POLH: variants seen among roughly 807,000 people sequenced by gnomAD.
The protein encoded by POLH is DNA polymerase eta transcript.
Under a neutral mutation model 73.6 loss-of-function variants are expected in POLH, and 53 were observed. That is an observed-to-expected ratio of 0.72 (90% CI 0.58 to 0.91). POLH has a LOEUF of 0.91. Ranked by LOEUF, POLH falls within the 40% of genes least tolerant of loss-of-function variation. POLH has a pLI of 0.00. For synonymous variants in POLH, 292 were observed against 308.5 expected (o/e 0.95, Z 0.56); for missense variants, 768 against 865.4 (o/e 0.89, Z 1.41).
chr6:43,576,218 T>C lies in POLH; in HGVS notation c.-227T>C, dbSNP rs1315103610. 1 of 203,188 alleles carries C rather than the reference T, an allele frequency of 4.9e-6. No homozygotes were observed. Among genetic ancestry groups the C allele is most frequent in the Non-Finnish European group, 9.8e-6 (1 of 101,966 alleles). The allele number at this position is 203,188 out of a possible 1,614,324, so 12.6% of individuals were successfully genotyped here. ...GGCTGCATTGCTGGGCGCGCCGCTC[T>C]CGTCTGATCCCTGCTGGGGACGGTT... On this transcript the variant is annotated 5_prime_UTR_variant, in exon 1 of 11. Transcript: ENST00000372236.
chr6:43,603,001 T>C, intron 6 of POLH, among the ~76,000 whole-genome samples: 1 of 145,988 alleles, frequency 6.8e-6, no homozygotes, highest in African/African-American at 2.6e-5. Flanking sequence ...ATTCCTTTTT[T>C]TTTTTTTTTT....
chr6:43,580,895 A>C (rs1764055177), intron 1 of POLH, among the ~76,000 whole-genome samples: 1 of 135,732 alleles, frequency 7.4e-6, no homozygotes. Flanking sequence ...CGGAGGGCTG[A>C]CCCCCCCACC....
chr6:43,613,911 C>G lies in POLH; in HGVS notation c.1496C>G (p.Ser499Ter), dbSNP rs1192496877. The change falls in exon 11 of 11, where the codon TCA (serine) becomes TGA (stop). Residue 499 changes from serine (S) to a stop codon, truncating the protein, a stop_gained. Transcript: ENST00000372236. LOFTEE classifies it high-confidence loss of function. ...ERQKVKEASL[S>*]SLTAPTQAPM... Reference sequence around the variant, plus strand: ...CAGAAAGTTAAAGAAGCTTCGCTTTCATCTCTTACTGCTCCCACTCAGGCT... The same window carrying G: ...CAGAAAGTTAAAGAAGCTTCGCTTTGATCTCTTACTGCTCCCACTCAGGCT... 1 of 1,613,866 alleles carries G rather than the reference C, an allele frequency of 6.2e-7. No individual in the cohort carries two copies. The highest frequency in any genetic ancestry group is 2.2e-5 in the East Asian group (1 of 44,894).
intron 10 of POLH, among the ~76,000 whole-genome samples, chr6:43,611,610 TGAGA>T (rs1050839361): frequency 1.1e-4 from 16 of 152,274 alleles, no homozygotes; most frequent in Admixed American, 3.3e-4. Context: ...AATATAATTA[TGAGA>T]GAGAGGTAAG....
At chr6:43,606,788 C>G (rs1176162893) in intron 9 of POLH, among the ~76,000 whole-genome samples, 1 of 152,102 alleles carries the variant, frequency 6.6e-6, no homozygotes, top group African/African-American at 2.4e-5. Flanking sequence ...ACAAAATTCA[C>G]CCATTTAAAA....
chr6:43,610,319 C>A (rs1453436699), intron 9 of POLH, among the ~76,000 whole-genome samples: 1 of 152,096 alleles, frequency 6.6e-6, no homozygotes, highest in African/African-American at 2.4e-5. Context: ...CCTGTCTCAG[C>A]CTCCCAAGGT....
chr6:43,619,877 C>CT lies in POLH; in HGVS notation c.*5323dup, dbSNP rs1768598617. ...AGCCTGAGTGGTAGGGAAGCTATCA[C>CT]TTTAATACTCTAGAGGCAGAATGCC... On this transcript the variant is annotated 3_prime_UTR_variant, in exon 11 of 11. Transcript: ENST00000372236. 6.6e-6 allele frequency among the ~76,000 whole-genome samples: 1 copy of CT among 152,204 alleles called. No individual in the cohort carries two copies. Among genetic ancestry groups the CT allele is most frequent in the Non-Finnish European group, 1.5e-5 (1 of 68,028 alleles).
At chr6:43,583,195 A>G (rs998539046) in intron 3 of POLH, 54 bp downstream of exon 3, 1 of 1,518,348 alleles carries the variant, frequency 6.6e-7, no homozygotes, top group Non-Finnish European at 9.1e-7. Flanking sequence ...ATAATACTCC[A>G]TGAGGCTAGG....
chr6:43,604,820 G>A, intron 8 of POLH, 82 bp downstream of exon 8: 1 of 1,385,350 alleles, frequency 7.2e-7, no homozygotes, highest in East Asian at 2.3e-5. Flanking sequence ...AGGTTTAATA[G>A]GTTAGAGGAG....
chr6:43,581,411 T>G (rs1764184130), intron 1 of POLH, among the ~76,000 whole-genome samples: 2 of 114,268 alleles, frequency 1.8e-5, no homozygotes, highest in African/African-American at 4.1e-5. Context: ...CTTTCCAGAC[T>G]GGGCAGCCAG....
chr6:43,587,709 A>T (rs1188450869), intron 4 of POLH, among the ~76,000 whole-genome samples: 1 of 152,230 alleles, frequency 6.6e-6, no homozygotes, highest in African/African-American at 2.4e-5. Context: ...CTCTTTAGAT[A>T]TAACTAGGGC....
chr6:43,576,930 C>T (rs1163165932), intron 1 of POLH, among the ~76,000 whole-genome samples: 1 of 152,050 alleles, frequency 6.6e-6, no homozygotes, highest in Non-Finnish European at 1.5e-5. Flanking sequence ...CGGAGGCGGG[C>T]GGATCACCTG....
chr6:43,578,020 G>C (rs1458350137), intron 1 of POLH, among the ~76,000 whole-genome samples: 1 of 151,496 alleles, frequency 6.6e-6, no homozygotes, highest in East Asian at 1.9e-4. Context: ...GATGGAGGTT[G>C]CAGTGAGCTG....
chr6:43,612,573 C>T (rs567443280), intron 10 of POLH, among the ~76,000 whole-genome samples: 1 of 152,202 alleles, frequency 6.6e-6, no homozygotes, highest in African/African-American at 2.4e-5. Context: ...TCTCAAATTC[C>T]TGACCTCAGG....
At chr6:43,613,573 A>C in intron 10 of POLH, 87 bp from the exon 11 acceptor site, 1 of 1,111,714 alleles carries the variant, frequency 9.0e-7, no homozygotes, top group Non-Finnish European at 1.4e-6. Flanking sequence ...GGTGAAATAA[A>C]ACAGATACAA....
At chr6:43,609,032 C>G (rs2127813071) in intron 9 of POLH, among the ~76,000 whole-genome samples, 1 of 152,270 alleles carries the variant, frequency 6.6e-6, no homozygotes, top group South Asian at 2.1e-4. Flanking sequence ...CCTGGAGACT[C>G]TTTGTTCATA....
At chr6:43,589,458 C>A (rs1051734812) in intron 4 of POLH, among the ~76,000 whole-genome samples, 16 of 152,176 alleles carry the variant, frequency 1.1e-4, no homozygotes, top group Admixed American at 7.9e-4. Context: ...TTACATTTCT[C>A]TGATCACTAA....
At chr6:43,598,654 G>GAAAAAAAAAAAAGA (rs1766388960) in intron 5 of POLH, among the ~76,000 whole-genome samples, 1 of 150,990 alleles carries the variant, frequency 6.6e-6, no homozygotes, top group South Asian at 2.1e-4. Flanking sequence ...AAAAGAAAAA[G>GAAAAAAAAAAAAGA]AAAAGAAAAA....
chr6:43,599,019 C>T (rs1031682485), intron 5 of POLH, among the ~76,000 whole-genome samples: 5 of 130,828 alleles, frequency 3.8e-5, no homozygotes, highest in Admixed American at 1.7e-4. Flanking sequence ...GATGGAGTCT[C>T]GCCCTGTTGC....
Sources: allele counts gnomAD v4.1 joint callset (sites outside exome capture counted in the v4.1 genomes callset), GRCh38; gene constraint gnomAD v4.1.1; transcripts MANE v1.5; gene names NCBI Gene and HGNC (gene_info 2026-07-23, HGNC 2026-07-21).